The following TBC1D14 variants were observed in gnomAD, a reference collection of about 807,000 sequenced individuals.
The protein encoded by TBC1D14 is TBC1 domain family member 14.
In TBC1D14, 26 loss-of-function variants were observed where a neutral mutation model predicts 79.0. That is an observed-to-expected ratio of 0.33 (90% CI 0.24 to 0.46). The LOEUF is 0.46. Among genes scored for constraint, TBC1D14 ranks in the 20% least tolerant of loss-of-function variants. The pLI, the probability that TBC1D14 is intolerant of heterozygous loss-of-function variation, is 1.00. For synonymous variants in TBC1D14, 394 were observed against 349.9 expected, an observed-to-expected ratio of 1.13 and a Z score of -1.40; for missense variants, 769 against 887.6, an observed-to-expected ratio of 0.87 and a Z score of 1.70.
At chr4:7,027,810 C>T (rs548956784) in intron 13 of TBC1D14, among the ~76,000 whole-genome samples, 23 of 145,548 alleles carry the variant, frequency 1.6e-4, no homozygotes, top group Non-Finnish European at 3.2e-4. Flanking sequence ...ACATATCACA[C>T]ACCCTTAAAT....
At chr4:6,916,184 T>A (rs1436065157) in intron 1 of TBC1D14, among the ~76,000 whole-genome samples, 1 of 150,172 alleles carries the variant, frequency 6.7e-6, no homozygotes, top group Non-Finnish European at 1.5e-5. Context: ...GCTGGGTTGA[T>A]GGCAGGCTTG....
At chr4:6,972,804 C>T (rs1484339122) in intron 3 of TBC1D14, among the ~76,000 whole-genome samples, 6 of 152,158 alleles carry the variant, frequency 3.9e-5, no homozygotes, top group African/African-American at 1.2e-4. Flanking sequence ...GTCAGGCTGC[C>T]GCCCTGTCTC....
intron 2 of TBC1D14, among the ~76,000 whole-genome samples, chr4:6,925,766 T>A (rs1393928684): frequency 6.6e-6 from 1 of 152,030 alleles, no homozygotes; most frequent in Non-Finnish European, 1.5e-5. Context: ...CATATCGCGG[T>A]GTTGCTGTGG....
chr4:6,983,885 T>G (rs1055406266), intron 3 of TBC1D14, among the ~76,000 whole-genome samples: 1 of 152,240 alleles, frequency 6.6e-6, no homozygotes, highest in Non-Finnish European at 1.5e-5. Flanking sequence ...TTCCTAAGTT[T>G]TGCTTATTTT....
chr4:6,998,919 G>C (rs1431970107), intron 5 of TBC1D14, 166 bp from the exon 6 acceptor site: 1 of 612,326 alleles, frequency 1.6e-6, no homozygotes, highest in Non-Finnish European at 2.9e-6. Flanking sequence ...GATAATGCCT[G>C]AGCCTTCTGG....
chr4:6,999,245 T>A, intron 6 of TBC1D14, 43 bp downstream of exon 6: 1 of 1,549,576 alleles, frequency 6.5e-7, no homozygotes, highest in South Asian at 1.1e-5. Context: ...AGAGCATGTC[T>A]TTCTAGAATC....
intron 9 of TBC1D14, among the ~76,000 whole-genome samples, chr4:7,008,666 C>T (rs1349419286): frequency 6.6e-6 from 1 of 152,222 alleles, no homozygotes; most frequent in Non-Finnish European, 1.5e-5. Flanking sequence ...CCACCTCGGC[C>T]TCCCAAAGTG....
intron 3 of TBC1D14, chr4:6,987,069 G>A (rs909798382): frequency 3.6e-6 from 3 of 826,670 alleles, no homozygotes; most frequent in Non-Finnish European, 4.7e-6. Flanking sequence ...GTACCACGGG[G>A]ACGCCCCAGC....
chr4:6,965,693 C>T (rs550044269), intron 2 of TBC1D14, among the ~76,000 whole-genome samples: 145 of 152,218 alleles, frequency 9.5e-4, no homozygotes, highest in African/African-American at 2.3e-3. Context: ...TACATGCCAC[C>T]GTACCTGGCT....
intron 2 of TBC1D14, among the ~76,000 whole-genome samples, chr4:6,924,905 G>A (rs1267897814): frequency 6.6e-6 from 1 of 152,262 alleles, no homozygotes; most frequent in East Asian, 1.9e-4. Context: ...GGGGGTGGTG[G>A]GAGTGGACAC....
chr4:6,974,900 T>G (rs1186648080), intron 3 of TBC1D14, among the ~76,000 whole-genome samples: 1 of 152,056 alleles, frequency 6.6e-6, no homozygotes, highest in Admixed American at 6.6e-5. Context: ...TTTGTTTGTT[T>G]GTTTGTTTTT....
chr4:6,958,369 C>CCACA (rs1203948286), intron 2 of TBC1D14, among the ~76,000 whole-genome samples: 1 of 66,092 alleles, frequency 1.5e-5, no homozygotes, highest in Non-Finnish European at 2.7e-5. Flanking sequence ...CACGTGATCC[C>CCACA]CACATATACA....
At chr4:6,990,844 C>A (rs1718417308) in intron 3 of TBC1D14, among the ~76,000 whole-genome samples, 1 of 152,238 alleles carries the variant, frequency 6.6e-6, no homozygotes, top group Non-Finnish European at 1.5e-5. Context: ...CTTCCAGAGC[C>A]TTATCCCTTG....
chr4:7,021,568 G>C (rs1013072880), intron 12 of TBC1D14, among the ~76,000 whole-genome samples: 24 of 152,184 alleles, frequency 1.6e-4, no homozygotes, highest in African/African-American at 5.8e-4. Flanking sequence ...CTGCACTCTG[G>C]CCTGGGCGAC....
rs1341289667 is a variant in TBC1D14 at position 7,007,630 on chromosome 4, G to GT, written c.1446+905dup. 5.4e-6 allele frequency: 7 copies of GT among 1,286,462 alleles called. No homozygotes were observed. The East Asian group carries it at 3.3e-4, about 61-fold the overall frequency. 79.7% of individuals were successfully genotyped at this position (1,286,462 alleles called of 1,614,324 possible). A position where few individuals can be genotyped will look rare whatever the true frequency, so the allele number is the denominator to read the frequency against. On this transcript the variant is annotated intron_variant, in intron 9 of 13. Coordinates refer to ENST00000409757, the MANE Select transcript of TBC1D14 (RefSeq NM_020773.3). ...CAGCTTTGGTCCTGGTGTCTGGTGC[G>GT]TGAGCCCAGCGAGCACCCCACTGGC...
chr4:7,015,863 C>T (rs1282396227), intron 12 of TBC1D14, among the ~76,000 whole-genome samples: 2 of 152,154 alleles, frequency 1.3e-5, no homozygotes, highest in African/African-American at 4.8e-5. Flanking sequence ...CGGCACCACC[C>T]GACTCATAGA....
At position 7,030,722 on chromosome 4, in the gene TBC1D14, A is replaced by G. The variant is rs1361765033; in HGVS notation, c.*330A>G. 8 of 232,816 alleles carry G rather than the reference A, an allele frequency of 3.4e-5. No individual in the cohort carries two copies. The highest frequency in any genetic ancestry group is 5.3e-5 in the Non-Finnish European group (6 of 112,154). The allele number at this position is 232,816 out of a possible 1,614,324, so 14.4% of individuals were successfully genotyped here. A position where few individuals can be genotyped will look rare whatever the true frequency, so the allele number is the denominator to read the frequency against. The stretch of plus-strand genomic sequence containing the variant: ...AAATTGTAATGTTTCTATGTCAACT[A>G]CTGGGAAGTATGTTACAGTCTTAGC... On this transcript the variant is annotated 3_prime_UTR_variant, in exon 14 of 14. Coordinates refer to ENST00000409757, the MANE Select transcript of TBC1D14 (RefSeq NM_020773.3).
chr4:6,935,001 C>T (rs1024154601), intron 2 of TBC1D14, among the ~76,000 whole-genome samples: 2 of 152,168 alleles, frequency 1.3e-5, no homozygotes, highest in African/African-American at 2.4e-5. Flanking sequence ...GATCACTTGA[C>T]CCAGGAGGTC....
At chr4:6,971,663 C>G (rs555985292) in intron 3 of TBC1D14, among the ~76,000 whole-genome samples, 1 of 152,222 alleles carries the variant, frequency 6.6e-6, no homozygotes, top group South Asian at 2.1e-4. Flanking sequence ...CAGTTGCGGT[C>G]CCCGGAGTAG....
Sources: allele counts gnomAD v4.1 joint callset (sites outside exome capture counted in the v4.1 genomes callset), GRCh38; gene constraint gnomAD v4.1.1; transcripts MANE v1.5; gene names NCBI Gene and HGNC (gene_info 2026-07-23, HGNC 2026-07-21).